The following CDH17 variants were observed in gnomAD, a reference collection of about 807,000 sequenced individuals.
The protein encoded by CDH17 is cadherin-17.
Under a neutral mutation model 86.3 loss-of-function variants are expected in CDH17, and 67 were observed. That is an observed-to-expected ratio of 0.78 (90% CI 0.64 to 0.95). The LOEUF (loss-of-function observed/expected upper bound fraction) is 0.95, where lower values mean the gene tolerates loss of function less well. Ranked by LOEUF, CDH17 falls within the 40% of genes least tolerant of loss-of-function variation. The pLI is 0.00. For synonymous variants in CDH17, 367 were observed against 366.4 expected, an observed-to-expected ratio of 1.00 and a Z score of -0.02; for missense variants, 993 against 1,017.6, an observed-to-expected ratio of 0.98 and a Z score of 0.33.
chr8:94,175,044 A>G (rs952866968), intron 5 of CDH17, among the ~76,000 whole-genome samples: 2 of 152,214 alleles, frequency 1.3e-5, no homozygotes, highest in African/African-American at 4.8e-5. Flanking sequence ...TGTGTCAATT[A>G]TTAATACCAA....
At chr8:94,166,181 T>C (rs28548829) in intron 9 of CDH17, among the ~76,000 whole-genome samples, 2,263 of 152,330 alleles carry the variant, frequency 0.015, 50 homozygotes, top group African/African-American at 0.052. Context: ...TGTCATTAAG[T>C]ATCATGGATT....
chr8:94,162,020 T>C, intron 11 of CDH17, 66 bp downstream of exon 11: 1 of 1,013,844 alleles, frequency 9.9e-7, no homozygotes, highest in Non-Finnish European at 1.6e-6. Context: ...TGTGTCTCTA[T>C]CCCAGAAGAA....
chr8:94,201,446 G>A (rs1813910178), intron 1 of CDH17, among the ~76,000 whole-genome samples: 1 of 152,154 alleles, frequency 6.6e-6, no homozygotes. Context: ...AATGACTGAT[G>A]TCCTTCTAAG....
chr8:94,160,197 G>T (rs749388288), intron 11 of CDH17, 35 bp from the exon 12 acceptor site: 40 of 1,526,974 alleles, frequency 2.6e-5, no homozygotes, highest in Middle Eastern at 1.7e-4. Flanking sequence ...CAATGAGAAG[G>T]TCTGCTGTCA....
intron 1 of CDH17, among the ~76,000 whole-genome samples, chr8:94,196,741 A>G (rs922628648): frequency 2.0e-5 from 3 of 152,174 alleles, no homozygotes; most frequent in South Asian, 2.1e-4. Context: ...AGACATAGAT[A>G]AGCAAGCTGG....
chr8:94,206,972 A>AAATGTACCTTCACC (rs1814039956), intron 1 of CDH17, among the ~76,000 whole-genome samples: 1 of 152,102 alleles, frequency 6.6e-6, no homozygotes, highest in African/African-American at 2.4e-5. Context: ...ATGAGAAAGG[A>AAATGTACCTTCACC]GGAGGTACCG....
At chr8:94,160,448 T>C (rs1303862883) in intron 11 of CDH17, among the ~76,000 whole-genome samples, 2 of 152,214 alleles carry the variant, frequency 1.3e-5, no homozygotes, top group African/African-American at 4.8e-5. Context: ...AACTTAATTA[T>C]TGTAGTAGTA....
chr8:94,182,145 A>G (rs1481097199), intron 3 of CDH17, among the ~76,000 whole-genome samples: 1 of 152,148 alleles, frequency 6.6e-6, no homozygotes, highest in Non-Finnish European at 1.5e-5. Flanking sequence ...AAAAATTTCC[A>G]CACACAAAAA....
chr8:94,198,401 A>G (rs1207156182), intron 1 of CDH17, among the ~76,000 whole-genome samples: 1 of 152,230 alleles, frequency 6.6e-6, no homozygotes, highest in Non-Finnish European at 1.5e-5. Flanking sequence ...ACATAGAAAC[A>G]AGTAACAACC....
chr8:94,182,459 G>T (rs534499439), intron 3 of CDH17, among the ~76,000 whole-genome samples: 1 of 152,096 alleles, frequency 6.6e-6, no homozygotes, highest in Admixed American at 6.5e-5. Flanking sequence ...TACAAAGCTG[G>T]TTCAATCTAT....
chr8:94,177,584 T>C lies in CDH17; in HGVS notation c.285+3A>G, dbSNP rs928849281. 1 of 1,613,738 alleles carries C rather than the reference T, an allele frequency of 6.2e-7. No homozygotes were observed. Among genetic ancestry groups the C allele is most frequent in the Admixed American group, 1.7e-5 (1 of 60,006 alleles). On this transcript the variant is annotated splice_donor_region_variant and intron_variant, in intron 4 of 17. Coordinates refer to ENST00000027335, the MANE Select transcript of CDH17 (RefSeq NM_004063.4). ...TAGATCCCTTCAGCTGGTATCAATT[T>C]ACCTGGAGATTGTGAGTAGATCTTG...
At chr8:94,143,890 A>G (rs1183844350) in intron 15 of CDH17, among the ~76,000 whole-genome samples, 1 of 152,098 alleles carries the variant, frequency 6.6e-6, no homozygotes, top group Non-Finnish European at 1.5e-5. Flanking sequence ...TTCTCCCTTA[A>G]TGGCAATAAG....
intron 14 of CDH17, among the ~76,000 whole-genome samples, chr8:94,147,250 T>C (rs572088049): frequency 6.6e-6 from 1 of 152,168 alleles, no homozygotes; most frequent in Non-Finnish European, 1.5e-5. Context: ...GTTAAATGTA[T>C]ACAATGTGAT....
intron 1 of CDH17, among the ~76,000 whole-genome samples, chr8:94,197,075 C>T (rs1453564255): frequency 1.3e-5 from 2 of 152,224 alleles, no homozygotes; most frequent in Non-Finnish European, 1.5e-5. Context: ...GGGCACCCCC[C>T]TCTATCTGCA....
At chr8:94,197,629 G>C (rs572259670) in intron 1 of CDH17, among the ~76,000 whole-genome samples, 2 of 152,066 alleles carry the variant, frequency 1.3e-5, no homozygotes, top group African/African-American at 4.8e-5. Context: ...TCAGCAGTTC[G>C]AGACAAGCCT....
At chr8:94,180,433 T>C (rs1056665500) in intron 3 of CDH17, among the ~76,000 whole-genome samples, 3 of 152,182 alleles carry the variant, frequency 2.0e-5, no homozygotes, top group Non-Finnish European at 4.4e-5. Flanking sequence ...ACAATCACTA[T>C]GAACTCCAAA....
intron 1 of CDH17, among the ~76,000 whole-genome samples, chr8:94,208,208 C>T (rs1219255746): frequency 6.6e-6 from 1 of 152,166 alleles, no homozygotes; most frequent in Non-Finnish European, 1.5e-5. Flanking sequence ...AACTCAATTT[C>T]CCCTTTAATT....
chr8:94,134,530 A>G (rs1278254794), intron 15 of CDH17, among the ~76,000 whole-genome samples: 2 of 152,024 alleles, frequency 1.3e-5, no homozygotes, highest in Non-Finnish European at 2.9e-5. Context: ...TATTGCGTCT[A>G]TTTGATTCTT....
chr8:94,189,362 G>A, intron 2 of CDH17, 77 bp from the exon 3 acceptor site: 2 of 977,120 alleles, frequency 2.0e-6, no homozygotes, highest in Admixed American at 2.2e-5. Context: ...AGGGCTTCCA[G>A]CACCAATATA....
Sources: gnomAD v4.1 joint callset for allele counts (sites outside exome capture counted in the v4.1 genomes callset) on GRCh38, gnomAD v4.1.1 for gene constraint, MANE v1.5 for transcripts, NCBI Gene and HGNC (gene_info 2026-07-23, HGNC 2026-07-21) for gene names.